MMD2: variants seen among roughly 807,000 people sequenced by gnomAD.
MMD2 encodes monocyte to macrophage differentiation associated 2, also known as monocyte to macrophage differentiation factor 2.
A neutral mutation model predicts 33.5 loss-of-function variants in MMD2; 30 were observed. The observed-to-expected ratio is 0.90, with a 90% CI of 0.67 to 1.22. MMD2 has a LOEUF of 1.22. Among genes scored for constraint, MMD2 ranks in the 50% most tolerant of loss-of-function variants. The pLI, the probability that MMD2 is intolerant of heterozygous loss-of-function variation, is 0.00. For missense variants in MMD2, 364 were observed against 325.4 expected (o/e 1.12, Z -0.91); for synonymous variants, 129 against 123.0 (o/e 1.05, Z -0.32).
chr7:4,901,800 G>A (rs948255990), downstream of MMD2, among the ~76,000 whole-genome samples: 3 of 152,226 alleles, frequency 2.0e-5, no homozygotes, highest in African/African-American at 7.2e-5. Context: ...GGGGGAGCCT[G>A]CACCTGGCTT....
intron 1 of MMD2, among the ~76,000 whole-genome samples, chr7:4,953,614 G>A (rs1483334207): frequency 2.0e-5 from 3 of 151,330 alleles, no homozygotes; most frequent in African/African-American, 7.3e-5. Flanking sequence ...GGGACTACAG[G>A]TGCATGCCAC....
intron 1 of MMD2, among the ~76,000 whole-genome samples, chr7:4,943,407 T>G (rs543041213): frequency 7.4e-4 from 112 of 152,034 alleles, no homozygotes; most frequent in African/African-American, 2.6e-3. Flanking sequence ...CCTCCCAAAG[T>G]GCTGAGATTA....
chr7:4,916,371 CTTTTTTTTTTTTTTT>C (rs553309427), intron 3 of MMD2, among the ~76,000 whole-genome samples: 2 of 64,748 alleles, frequency 3.1e-5, no homozygotes, highest in Non-Finnish European at 5.4e-5. Context: ...CTCCGTCCCA[CTTTTTTTTTTTTTTT>C]TTTTTTTTTT....
chr7:4,929,596 C>T (rs368600621), intron 1 of MMD2, among the ~76,000 whole-genome samples: 157 of 152,026 alleles, frequency 1.0e-3, no homozygotes, highest in African/African-American at 3.7e-3. Flanking sequence ...GCTGTCTTGG[C>T]TCACTGCAAC....
chr7:4,937,423 A>T (rs1785772689), intron 1 of MMD2, among the ~76,000 whole-genome samples: 1 of 151,892 alleles, frequency 6.6e-6, no homozygotes, highest in African/African-American at 2.4e-5. Flanking sequence ...AGAAAAAGAA[A>T]GAAAGAGAAA....
At chr7:4,908,599 A>G (rs1784923546) in intron 6 of MMD2, among the ~76,000 whole-genome samples, 1 of 152,014 alleles carries the variant, frequency 6.6e-6, no homozygotes, top group South Asian at 2.1e-4. Context: ...GAATGAATGG[A>G]TAAACGAAAT....
At chr7:4,949,725 T>C (rs1245039227) in intron 1 of MMD2, among the ~76,000 whole-genome samples, 2 of 152,066 alleles carry the variant, frequency 1.3e-5, no homozygotes, top group Non-Finnish European at 2.9e-5. Context: ...TTGGCCAGGA[T>C]GGTCTCGAAC....
At chr7:4,925,876 T>C (rs1011354687) in intron 1 of MMD2, among the ~76,000 whole-genome samples, 3 of 152,312 alleles carry the variant, frequency 2.0e-5, no homozygotes, top group South Asian at 4.1e-4. Context: ...TGTAGTGGTG[T>C]GATCTCAGCT....
At chr7:4,948,886 C>T (rs919012606) in intron 1 of MMD2, among the ~76,000 whole-genome samples, 24 of 152,180 alleles carry the variant, frequency 1.6e-4, no homozygotes, top group African/African-American at 5.8e-4. Flanking sequence ...AGTCACGGCT[C>T]ACACAGCCTC....
intron 4 of MMD2, among the ~76,000 whole-genome samples, chr7:4,912,634 G>A (rs147068402): frequency 2.6e-5 from 4 of 152,116 alleles, no homozygotes; most frequent in Non-Finnish European, 5.9e-5. Context: ...GTTTTGTCTG[G>A]AAAGGTGTAG....
At chr7:4,910,408 T>C (rs1487177128) in intron 5 of MMD2, among the ~76,000 whole-genome samples, 8 of 152,302 alleles carry the variant, frequency 5.3e-5, no homozygotes, top group Admixed American at 3.9e-4. Context: ...GCTCTGAGAC[T>C]GCAGGAAGTC....
chr7:4,903,259 G>C (rs1010377744), downstream of MMD2, among the ~76,000 whole-genome samples: 2 of 151,988 alleles, frequency 1.3e-5, no homozygotes, highest in African/African-American at 2.4e-5. Context: ...AAAAACAAAC[G>C]AGAGTTTGGG....
chr7:4,945,185 T>TCCTTCTTC (rs1786024637), intron 1 of MMD2, among the ~76,000 whole-genome samples: 20 of 93,540 alleles, frequency 2.1e-4, no homozygotes, highest in Admixed American at 5.0e-4. Context: ...CCTCTTCCTC[T>TCCTTCTTC]TTCTTCTTCT....
chr7:4,949,549 C>G (rs1207383855), intron 1 of MMD2, among the ~76,000 whole-genome samples: 3 of 151,588 alleles, frequency 2.0e-5, no homozygotes, highest in Admixed American at 6.6e-5. Context: ...GTCTCACTCT[C>G]TTGCCACGCT....
intron 1 of MMD2, among the ~76,000 whole-genome samples, chr7:4,928,136 A>G (rs2115117059): frequency 6.6e-6 from 1 of 152,290 alleles, no homozygotes; most frequent in East Asian, 1.9e-4. Context: ...GTTGCCAAGC[A>G]GCAGCCACCC....
chr7:4,901,165 G>A (rs918512744), downstream of MMD2, among the ~76,000 whole-genome samples: 3 of 150,134 alleles, frequency 2.0e-5, no homozygotes, highest in South Asian at 6.3e-4. Flanking sequence ...TATAGGCCGG[G>A]TGTGGTGGCT....
the MMD2 span, among the ~76,000 whole-genome samples, chr7:4,893,340 G>A: frequency 2.6e-5 from 4 of 151,124 alleles, no homozygotes; most frequent in African/African-American, 7.3e-5. Context: ...AGGGCTGCTG[G>A]TTGGCTATTT....
At chr7:4,937,680 TA>T (rs773731983) in intron 1 of MMD2, among the ~76,000 whole-genome samples, 1 of 152,124 alleles carries the variant, frequency 6.6e-6, no homozygotes, top group Non-Finnish European at 1.5e-5. Context: ...AGCTAATTTT[TA>T]ATTTTTTGTA....
intron 1 of MMD2, among the ~76,000 whole-genome samples, chr7:4,936,000 C>A (rs371931281): frequency 6.6e-6 from 1 of 151,974 alleles, no homozygotes; most frequent in Non-Finnish European, 1.5e-5. Flanking sequence ...GCCTGTCCAA[C>A]ATGGTGAAAC....
Sources: gnomAD v4.1 joint callset for allele counts (sites outside exome capture counted in the v4.1 genomes callset) on GRCh38, gnomAD v4.1.1 for gene constraint, MANE v1.5 for transcripts, NCBI Gene and HGNC (gene_info 2026-07-23, HGNC 2026-07-21) for gene names.